The following DNAH11 variants were observed in gnomAD, a reference collection of about 807,000 sequenced individuals.
DNAH11 encodes dynein axonemal heavy chain 11.
A neutral mutation model predicts 526.0 loss-of-function variants in DNAH11; 442 were observed. That is an observed-to-expected ratio of 0.84 (90% CI 0.78 to 0.91). The LOEUF is 0.91. Ranked by LOEUF, DNAH11 falls within the 40% of genes least tolerant of loss-of-function variation. The probability of loss-of-function intolerance (pLI) is 0.00; values close to 1 mark genes in which losing one functional copy is unlikely to be tolerated. For synonymous variants in DNAH11, 2,461 were observed against 1,935.9 expected (o/e 1.27, Z -7.12); for missense variants, 6,989 against 5,448.7 (o/e 1.28, Z -8.90).
chr7:21,720,403 A>G (rs955315383), intron 43 of DNAH11, among the ~76,000 whole-genome samples: 4 of 151,386 alleles, frequency 2.6e-5, no homozygotes, highest in African/African-American at 4.9e-5. Context: ...ATGATTTCCT[A>G]TTTATAAAAA....
Position 21,901,185 on chromosome 7 carries a change from CA to C in DNAH11, c.13483del (p.Arg4495GlyfsTer2). Reference protein sequence around the residue: ...LRGPSYIWTFRLKSEEKTAKW... With the variant: ...LRGPSYIWTFXLKSEEKTAKW... ...GAGGCCCCAGCTACATCTGGACCTT[CA>C]GGCTGAAGAGCGAAGAGAAGACTGC... is the stretch of plus-strand genomic sequence containing the variant. On this transcript the variant is annotated frameshift_variant, in exon 82 of 82. Transcript: ENST00000409508. LOFTEE classifies it high-confidence loss of function. The C allele has an allele frequency of 6.2e-7, 1 of 1,613,196 alleles. No homozygotes were observed. Among genetic ancestry groups the C allele is most frequent in the Non-Finnish European group, 8.5e-7 (1 of 1,179,528 alleles).
intron 2 of DNAH11, among the ~76,000 whole-genome samples, chr7:21,557,300 A>G (rs1215621026): frequency 1.3e-5 from 2 of 152,044 alleles, no homozygotes; most frequent in Non-Finnish European, 2.9e-5. Context: ...TCAGTGTTCT[A>G]ATTTCTGGAA....
intron 34 of DNAH11, among the ~76,000 whole-genome samples, chr7:21,690,433 C>T (rs577844336): frequency 1.6e-4 from 25 of 152,184 alleles, no homozygotes; most frequent in South Asian, 2.1e-4. Flanking sequence ...CAAGGAATTG[C>T]AGCCCATGTT....
At chr7:21,795,403 A>C (rs1185668928) in intron 61 of DNAH11, among the ~76,000 whole-genome samples, 1 of 152,140 alleles carries the variant, frequency 6.6e-6, no homozygotes, top group South Asian at 2.1e-4. Context: ...CCTTGGAGAA[A>C]ATACTTGATC....
At chr7:21,589,612 C>A (rs1168017966) in intron 12 of DNAH11, among the ~76,000 whole-genome samples, 1 of 152,002 alleles carries the variant, frequency 6.6e-6, no homozygotes, top group Non-Finnish European at 1.5e-5. Context: ...GTAATTGTTT[C>A]TTTACCACGC....
chr7:21,606,417 C>T lies in DNAH11; in HGVS notation c.3649-9C>T, dbSNP rs1340680714. ...AAGTAATTTCGCATTTGTGCCTTTG[C>T]TTTTGCAGGAATTACCTGAAAGATG... On this transcript the variant is annotated splice_polypyrimidine_tract_variant and intron_variant, in intron 18 of 81. Transcript: ENST00000409508. The T allele has an allele frequency of 6.2e-7, 1 of 1,601,994 alleles. No homozygotes were observed. Among genetic ancestry groups the T allele is most frequent in the African/African-American group, 1.3e-5 (1 of 74,438 alleles).
At chr7:21,753,913 A>G (rs1048888129) in intron 54 of DNAH11, among the ~76,000 whole-genome samples, 7 of 152,156 alleles carry the variant, frequency 4.6e-5, no homozygotes, top group Non-Finnish European at 1.0e-4. Context: ...TCAGGGTACA[A>G]TGTCTTTTAT....
chr7:21,827,251 A>G (rs1175733459), intron 65 of DNAH11, among the ~76,000 whole-genome samples: 1 of 152,234 alleles, frequency 6.6e-6, no homozygotes, highest in Non-Finnish European at 1.5e-5. Context: ...CTAATTTTAA[A>G]TAAAACATAT....
At chr7:21,765,292 G>A in intron 54 of DNAH11, 136 bp from the exon 55 acceptor site, 1 of 1,261,792 alleles carries the variant, frequency 7.9e-7, no homozygotes, top group East Asian at 2.4e-5. Context: ...TAATGTTGCT[G>A]TCCACTCTCT....
chr7:21,878,796 A>C (rs1349073118), intron 74 of DNAH11, among the ~76,000 whole-genome samples: 4 of 152,120 alleles, frequency 2.6e-5, no homozygotes, highest in Non-Finnish European at 4.4e-5. Flanking sequence ...TTAGTATCAC[A>C]AGTCCTCTGG....
At chr7:21,865,897 G>C (rs1783254989) in intron 70 of DNAH11, among the ~76,000 whole-genome samples, 1 of 152,124 alleles carries the variant, frequency 6.6e-6, no homozygotes. Context: ...GACTTTATAG[G>C]GTAACTTCCT....
chr7:21,885,585 C>A (rs1314028752), intron 76 of DNAH11, among the ~76,000 whole-genome samples: 2 of 151,938 alleles, frequency 1.3e-5, no homozygotes, highest in African/African-American at 4.8e-5. Context: ...TATTGTATAT[C>A]TAAAAATAGC....
chr7:21,701,289 C>CT (rs61172341), intron 36 of DNAH11, among the ~76,000 whole-genome samples: 6,992 of 136,544 alleles, frequency 0.051, 445 homozygotes, highest in African/African-American at 0.15. Context: ...ACACTTTTTA[C>CT]TTTTTTTTTT....
At chr7:21,735,591 C>T (rs778317014) in intron 45 of DNAH11, 49 bp from the exon 46 acceptor site, 177 of 1,508,996 alleles carry the variant, frequency 1.2e-4, no homozygotes, top group African/African-American at 2.1e-4. Context: ...CTCTCGCACG[C>T]ACTCTCTCTC....
intron 26 of DNAH11, 85 bp from the exon 27 acceptor site, chr7:21,637,526 C>G: frequency 1.1e-6 from 1 of 951,408 alleles, no homozygotes; most frequent in South Asian, 1.5e-5. Context: ...ATTCTTTGTT[C>G]TTCATTTTTT....
chr7:21,850,365 A>AG (rs903776218), intron 66 of DNAH11, among the ~76,000 whole-genome samples: 1 of 150,618 alleles, frequency 6.6e-6, no homozygotes, highest in Non-Finnish European at 1.5e-5. Flanking sequence ...AAAAAAAAAA[A>AG]AAAAGAAAAA....
At position 21,703,373 on chromosome 7, in the gene DNAH11, A is replaced by G. The variant is rs146711124; in HGVS notation, c.6273+571A>G. The G allele has an allele frequency of 4.3e-3, 664 of 153,070 alleles. 5 individuals are homozygous for G. Among genetic ancestry groups the G allele is most frequent in the Middle Eastern group, 0.01 (3 of 296 alleles). The allele number at this position is 153,070 out of a possible 1,614,324, so 9.5% of individuals were successfully genotyped here. On this transcript the variant is annotated intron_variant, in intron 37 of 81. Coordinates refer to ENST00000409508, the MANE Select transcript of DNAH11 (RefSeq NM_001277115.2). ...AGCAATGGATATGTGTTATCAGTCC[A>G]TTTTCACACTGTTACAAAGAACTAC...
At chr7:21,770,004 C>T (rs1295318319) in intron 55 of DNAH11, among the ~76,000 whole-genome samples, 2 of 152,106 alleles carry the variant, frequency 1.3e-5, no homozygotes, top group East Asian at 1.9e-4. Context: ...AATGCACTCA[C>T]CAGACAACTC....
chr7:21,575,056 A>G (rs929766873), intron 8 of DNAH11, among the ~76,000 whole-genome samples: 2 of 150,172 alleles, frequency 1.3e-5, no homozygotes, highest in African/African-American at 4.9e-5. Context: ...TGTATTTTTA[A>G]TAGAGATGGG....
Sources: allele counts gnomAD v4.1 joint callset (sites outside exome capture counted in the v4.1 genomes callset), GRCh38; gene constraint gnomAD v4.1.1; transcripts MANE v1.5; gene names NCBI Gene and HGNC (gene_info 2026-07-23, HGNC 2026-07-21).